Variants in ANXA4 observed in about 807,000 individuals in gnomAD.
ANXA4 encodes annexin A4.
In ANXA4, 39 loss-of-function variants were observed where a neutral mutation model predicts 49.8. The observed-to-expected ratio is 0.78, with a 90% CI of 0.61 to 1.02. The LOEUF is 1.02. Among genes scored for constraint, ANXA4 ranks in the 50% least tolerant of loss-of-function variants. The pLI is 0.00. For synonymous variants in ANXA4, 134 were observed against 152.5 expected, an observed-to-expected ratio of 0.88 and a Z score of 0.89; for missense variants, 360 against 410.1, an observed-to-expected ratio of 0.88 and a Z score of 1.05.
At chr2:69,718,824 GCACA>G (rs559368351) in intron 2 of ANXA4, among the ~76,000 whole-genome samples, 1 of 150,118 alleles carries the variant, frequency 6.7e-6, no homozygotes, top group Non-Finnish European at 1.5e-5. Flanking sequence ...CTGCACACAT[GCACA>G]CACATATACA....
chr2:69,676,750 G>A (rs1215189301), intron 2 of ANXA4, among the ~76,000 whole-genome samples: 1 of 152,064 alleles, frequency 6.6e-6, no homozygotes, highest in Admixed American at 6.6e-5. Flanking sequence ...AAAATTAGCT[G>A]GGCGTGGTGG....
At chr2:69,712,930 A>G (rs1467074065) in intron 2 of ANXA4, among the ~76,000 whole-genome samples, 1 of 152,228 alleles carries the variant, frequency 6.6e-6, no homozygotes, top group African/African-American at 2.4e-5. Context: ...AGATGAAAAC[A>G]GGACTCTTTG....
chr2:69,731,603 G>T (rs1355110792), intron 3 of ANXA4, among the ~76,000 whole-genome samples: 1 of 152,146 alleles, frequency 6.6e-6, no homozygotes. Context: ...GCTTGAATAT[G>T]AGCTGCGGCT....
At chr2:69,801,053 C>T (rs1350601793) in intron 3 of ANXA4, among the ~76,000 whole-genome samples, 2 of 152,130 alleles carry the variant, frequency 1.3e-5, no homozygotes, top group African/African-American at 4.8e-5. Context: ...AACAGGTGTG[C>T]TATCTGCATA....
At chr2:69,675,143 C>G (rs931040898) in intron 2 of ANXA4, among the ~76,000 whole-genome samples, 4 of 152,048 alleles carry the variant, frequency 2.6e-5, no homozygotes, top group African/African-American at 4.8e-5. Context: ...AGGATGGTCT[C>G]GATCTCCTGT....
At chr2:69,814,847 A>G (rs6725442) in intron 8 of ANXA4, 20,078 of 149,428 alleles carry the variant, frequency 0.13, 3,707 homozygotes, top group African/African-American at 0.39. Flanking sequence ...TTCAGAGGGA[A>G]TCAGCAAGCT....
chr2:69,745,821 AC>A (rs150221936), intron 1 of ANXA4, among the ~76,000 whole-genome samples: 1,955 of 152,082 alleles, frequency 0.013, 47 homozygotes, highest in African/African-American at 0.044. Context: ...GTGAGCCACC[AC>A]GCCCGGCTGA....
At position 69,747,720 on chromosome 2, in the gene ANXA4, C is replaced by T. The variant is rs987021921; in HGVS notation, c.-47+5545C>T. Among the ~76,000 whole-genome samples the T allele has an allele frequency of 3.3e-5, 5 of 152,134 alleles. 1 individual carries two copies. Among genetic ancestry groups the T allele is most frequent in the South Asian group, 4.1e-4 (2 of 4,824 alleles). On this transcript the variant is annotated intron_variant, in intron 1 of 12. Coordinates refer to ENST00000394295, the MANE Select transcript of ANXA4 (RefSeq NM_001153.5). ...TAATTTTCAGAAAGGGGGTCTTGCT[C>T]TGTAGTCCAGCCTGGAGTGCCCTGG...
intron 12 of ANXA4, among the ~76,000 whole-genome samples, chr2:69,823,192 T>C (rs1674319380): frequency 6.6e-6 from 1 of 151,052 alleles, no homozygotes. Context: ...AATATATTGA[T>C]TGGCTTGGGA....
At chr2:69,689,888 C>A (rs1677904390) in intron 2 of ANXA4, among the ~76,000 whole-genome samples, 1 of 152,022 alleles carries the variant, frequency 6.6e-6, no homozygotes, top group African/African-American at 2.4e-5. Context: ...CCAACAAAGT[C>A]TTTTTTAAGA....
intron 1 of ANXA4, among the ~76,000 whole-genome samples, chr2:69,652,421 T>C (rs1386101754): frequency 6.6e-6 from 1 of 152,228 alleles, no homozygotes; most frequent in African/African-American, 2.4e-5. Context: ...GCAGTGTTGC[T>C]ATGAGTCAAT....
At chr2:69,819,808 C>T (rs1473140342) in intron 11 of ANXA4, among the ~76,000 whole-genome samples, 1 of 152,136 alleles carries the variant, frequency 6.6e-6, no homozygotes, top group African/African-American at 2.4e-5. Flanking sequence ...TGGCTCACGC[C>T]TGTAATCCCA....
At chr2:69,774,032 AG>A (rs1465167650) in intron 1 of ANXA4, among the ~76,000 whole-genome samples, 1 of 152,028 alleles carries the variant, frequency 6.6e-6, no homozygotes, top group Non-Finnish European at 1.5e-5. Context: ...CGTGTTGGCC[AG>A]GCTGGTCTCG....
intron 1 of ANXA4, among the ~76,000 whole-genome samples, chr2:69,650,029 G>A (rs1392724723): frequency 1.4e-5 from 2 of 145,932 alleles, no homozygotes; most frequent in African/African-American, 2.5e-5. Context: ...ACCACCTCCC[G>A]GGTTCAAGAG....
chr2:69,772,383 G>A (rs1423417311), intron 1 of ANXA4, among the ~76,000 whole-genome samples: 1 of 152,232 alleles, frequency 6.6e-6, no homozygotes, highest in South Asian at 2.1e-4. Flanking sequence ...CAGAGGCTCT[G>A]CTAAGAGCAT....
upstream of ANXA4, among the ~76,000 whole-genome samples, chr2:69,741,008 T>A (rs1357956543): frequency 6.6e-6 from 1 of 152,148 alleles, no homozygotes; most frequent in Non-Finnish European, 1.5e-5. Context: ...TTTTAAGTTA[T>A]CATATGCAGA....
At chr2:69,657,501 C>A (rs554920958) in intron 2 of ANXA4, among the ~76,000 whole-genome samples, 2 of 152,108 alleles carry the variant, frequency 1.3e-5, no homozygotes, top group Non-Finnish European at 2.9e-5. Context: ...TCACCATCAT[C>A]CTACTTATTC....
upstream of ANXA4, among the ~76,000 whole-genome samples, chr2:69,739,141 C>T (rs1447381699): frequency 1.3e-5 from 2 of 152,206 alleles, no homozygotes; most frequent in African/African-American, 4.8e-5. Flanking sequence ...CTTGTACAGA[C>T]TTACAAGAAA....
At chr2:69,762,389 G>GAA (rs557937181) in intron 1 of ANXA4, among the ~76,000 whole-genome samples, 2 of 133,448 alleles carry the variant, frequency 1.5e-5, no homozygotes, top group Non-Finnish European at 1.7e-5. Context: ...CCGTCTAGGG[G>GAA]AAAAAAAAAA....
Sources: allele counts gnomAD v4.1 joint callset (sites outside exome capture counted in the v4.1 genomes callset), GRCh38; gene constraint gnomAD v4.1.1; transcripts MANE v1.5; gene names NCBI Gene and HGNC (gene_info 2026-07-23, HGNC 2026-07-21).